Variants in PCDHGA1 observed in about 807,000 individuals in gnomAD.
PCDHGA1 encodes the protein protocadherin gamma subfamily A, 1, also known as protocadherin gamma-A1.
Under a neutral mutation model 58.0 loss-of-function variants are expected in PCDHGA1, and 32 were observed. The observed-to-expected ratio is 0.55, with a 90% CI of 0.42 to 0.74. PCDHGA1 has a LOEUF of 0.74. Among genes scored for constraint, PCDHGA1 ranks in the 30% least tolerant of loss-of-function variants. The probability of loss-of-function intolerance (pLI) is 0.00; values close to 1 mark genes in which losing one functional copy is unlikely to be tolerated. For synonymous variants in PCDHGA1, 498 were observed against 501.1 expected (o/e 0.99, Z 0.08); for missense variants, 1,205 against 1,182.3 (o/e 1.02, Z -0.28).
In PCDHGA1 at chr5:141,431,024, A is replaced by G; in HGVS notation, c.2422-63783A>G. ...CAGCGGCAGCTTGGTCACGGCGGGCAGGATAGACCGGGAGGAGCTCTGTAT... is the reference window on the plus strand; with the variant it reads ...CAGCGGCAGCTTGGTCACGGCGGGCGGGATAGACCGGGAGGAGCTCTGTAT... On this transcript the variant is annotated intron_variant, in intron 1 of 3. Transcript: ENST00000517417. The surrounding 1 kb of genome is among the most constrained non-coding windows in gnomAD (Gnocchi z 4.8). 2.5e-6 allele frequency: 4 copies of G among 1,614,024 alleles called. No homozygotes were observed. The highest frequency in any genetic ancestry group is 3.4e-6 in the Non-Finnish European group (4 of 1,179,926).
At chr5:141,391,890 G>A (rs2092437971) in intron 1 of PCDHGA1, 1 of 152,182 alleles carries the variant, frequency 6.6e-6, no homozygotes, top group Non-Finnish European at 1.5e-5. Context: ...AAAGGGATGG[G>A]ATGGAGCTTT....
At chr5:141,425,606 G>A (rs1419859039) in intron 1 of PCDHGA1, among the ~76,000 whole-genome samples, 1 of 152,156 alleles carries the variant, frequency 6.6e-6, no homozygotes, top group Non-Finnish European at 1.5e-5. Context: ...GCCCTATATA[G>A]CTTTCAGTGC....
chr5:141,332,682 C>A lies in PCDHGA1; in HGVS notation c.1998C>A (p.Asp666Glu), dbSNP rs1485532111. 1.9e-6 allele frequency: 3 copies of A among 1,613,852 alleles called. No homozygotes were observed. In the Admixed American group the frequency reaches 5.0e-5, roughly 27 times the overall value. Reference protein sequence around the residue: ...ATVTLTVAVADRISDILADLG... With the variant: ...ATVTLTVAVAERISDILADLG... ...TCACGCTCACCGTGGCCGTGGCCGACAGGATCTCCGACATCCTGGCCGACC... is the reference window on the plus strand; with the variant it reads ...TCACGCTCACCGTGGCCGTGGCCGAAAGGATCTCCGACATCCTGGCCGACC... The change falls in exon 1 of 4, where the codon GAC (aspartate) becomes GAA (glutamate). Residue 666 changes from aspartate to glutamate, a missense_variant. By Grantham distance (45) the Asp-to-Glu change is conservative. Transcript: ENST00000517417. The surrounding 1 kb of genome is among the most constrained non-coding windows in gnomAD (Gnocchi z 4.6).
intron 1 of PCDHGA1, among the ~76,000 whole-genome samples, chr5:141,471,913 G>A (rs1307168228): frequency 6.6e-6 from 1 of 152,164 alleles, no homozygotes. Context: ...CAAGCATGAG[G>A]GAAATTTTGG....
Position 141,352,388 on chromosome 5 carries a change from C to A in PCDHGA1, c.2421+19283C>A, listed in dbSNP as rs1021854619. On this transcript the variant is annotated intron_variant, in intron 1 of 3. Coordinates refer to ENST00000517417, the MANE Select transcript of PCDHGA1 (RefSeq NM_018912.3). ...CGCGGTGATTCTAGCGATCGCCCTGCGCCTGCGACGTTCCTCCAGCCTCGA... is the reference window on the plus strand; with the variant it reads ...CGCGGTGATTCTAGCGATCGCCCTGAGCCTGCGACGTTCCTCCAGCCTCGA... The A allele has an allele frequency of 6.6e-5, 106 of 1,613,940 alleles. No homozygotes were observed. Among genetic ancestry groups the A allele is most frequent in the Middle Eastern group, 1.6e-4 (1 of 6,084 alleles).
chr5:141,447,854 G>A (rs1480134238), intron 1 of PCDHGA1, among the ~76,000 whole-genome samples: 1 of 152,200 alleles, frequency 6.6e-6, no homozygotes, highest in Non-Finnish European at 1.5e-5. Flanking sequence ...GGGAGGCCGA[G>A]GTGGGTGAAT....
At chr5:141,480,514 C>A (rs1015316945) in intron 1 of PCDHGA1, among the ~76,000 whole-genome samples, 2 of 127,196 alleles carry the variant, frequency 1.6e-5, no homozygotes, top group African/African-American at 7.3e-5. Flanking sequence ...TGAGAACAAC[C>A]AAAAATGACA....
chr5:141,494,674 C>A lies in PCDHGA1; in HGVS notation c.2422-133C>A, dbSNP rs532644387. ...ATTTTGTCTTTGGAGATGAGTCCAC[C>A]CCTGCCCCCTCTTAGTCCGTTTTCT... is the stretch of plus-strand genomic sequence containing the variant. On this transcript the variant is annotated intron_variant, in intron 1 of 3. Transcript: ENST00000517417. 3.4e-5 allele frequency: 53 copies of A among 1,545,802 alleles called. No homozygotes were observed. In the African/African-American group the frequency reaches 6.5e-4, roughly 19 times the overall value.
At position 141,413,888 on chromosome 5, in the gene PCDHGA1, A is replaced by G. The variant is rs777389288; in HGVS notation, c.2421+80783A>G. On this transcript the variant is annotated intron_variant, in intron 1 of 3. Transcript: ENST00000517417. Reference sequence around the variant, plus strand: ...GTCCTTGTCAGTGTGACTGTCTTCGATGCAAATGACAACGCGCCGGTCTTC... The same window carrying G: ...GTCCTTGTCAGTGTGACTGTCTTCGGTGCAAATGACAACGCGCCGGTCTTC... The G allele has an allele frequency of 2.5e-5, 40 of 1,613,256 alleles. No individual in the cohort carries two copies. Among genetic ancestry groups the G allele is most frequent in the Non-Finnish European group, 3.4e-5 (40 of 1,179,886 alleles).
At chr5:141,417,866 G>C (rs1299960512) in intron 1 of PCDHGA1, 1 of 1,552,408 alleles carries the variant, frequency 6.4e-7, no homozygotes, top group African/African-American at 1.4e-5. Context: ...AACGATGGGA[G>C]GGAGCTGCGC....
At position 141,431,433 on chromosome 5, in the gene PCDHGA1, C is replaced by T; in HGVS notation, c.2422-63374C>T. ...GGGGGCGACCCGGTGCGCACAGGCA[C>T]CGCGCGCATCCGCGTGATGGTTCTG... On this transcript the variant is annotated intron_variant, in intron 1 of 3. Transcript: ENST00000517417. This position sits in a 1 kb window ranked among gnomAD's most constrained non-coding sequence, Gnocchi z 4.8. 1.9e-6 allele frequency: 3 copies of T among 1,613,716 alleles called. No homozygotes were observed. The highest frequency in any genetic ancestry group is 2.5e-6 in the Non-Finnish European group (3 of 1,180,028).
intron 1 of PCDHGA1, chr5:141,428,257 G>A: frequency 1.2e-6 from 1 of 865,864 alleles, no homozygotes; most frequent in Non-Finnish European, 1.9e-6. Context: ...AGACTTCAGT[G>A]ACAGTCCTGT....
At chr5:141,364,415 G>C in intron 1 of PCDHGA1, 1 of 1,613,082 alleles carries the variant, frequency 6.2e-7, no homozygotes, top group South Asian at 1.1e-5. Flanking sequence ...GCCAGGATCC[G>C]GGCAGATCCG....
chr5:141,414,752 ATG>A, intron 1 of PCDHGA1: 2 of 1,614,228 alleles, frequency 1.2e-6, no homozygotes, highest in Non-Finnish European at 1.7e-6. Context: ...TCCTTCGACT[ATG>A]AGCAGTTTCA....
intron 1 of PCDHGA1, chr5:141,372,770 C>A (rs776185691): frequency 6.2e-7 from 1 of 1,611,252 alleles, no homozygotes; most frequent in Non-Finnish European, 8.5e-7. Context: ...AAAGTAATGA[C>A]AATCCAGAAA....
Position 141,493,034 on chromosome 5 carries a change from G to A in PCDHGA1, c.2422-1773G>A, listed in dbSNP as rs75211372. 6.6e-6 allele frequency among the ~76,000 whole-genome samples: 1 copy of A among 152,230 alleles called. No homozygotes were observed. Among genetic ancestry groups the A allele is most frequent in the African/African-American group, 2.4e-5 (1 of 41,458 alleles). On this transcript the variant is annotated intron_variant, in intron 1 of 3. Transcript: ENST00000517417. This position sits in a 1 kb window ranked among gnomAD's most constrained non-coding sequence, Gnocchi z 4.3. ...GCCAGATGCCAGGGTGCCCTTATGTGTGAGGAAACTACAATAGTAAAAAAC... is the reference window on the plus strand; with the variant it reads ...GCCAGATGCCAGGGTGCCCTTATGTATGAGGAAACTACAATAGTAAAAAAC...
At chr5:141,368,374 T>TACACACATACAC (rs1250465847) in intron 1 of PCDHGA1, among the ~76,000 whole-genome samples, 1 of 152,022 alleles carries the variant, frequency 6.6e-6, no homozygotes, top group African/African-American at 2.4e-5. Context: ...CACATATATA[T>TACACACATACAC]ACACACATAC....
At chr5:141,395,151 A>G in intron 1 of PCDHGA1, 1 of 1,612,516 alleles carries the variant, frequency 6.2e-7, no homozygotes, top group Non-Finnish European at 8.5e-7. Flanking sequence ...AGACATGCTC[A>G]TCAGTCAGGA....
chr5:141,466,812 G>T (rs1394979761), intron 1 of PCDHGA1, among the ~76,000 whole-genome samples: 1 of 151,940 alleles, frequency 6.6e-6, no homozygotes, highest in African/African-American at 2.4e-5. Flanking sequence ...ATTCAGACAT[G>T]GTATAACAAG....
Sources: gnomAD v4.1 joint callset for allele counts (sites outside exome capture counted in the v4.1 genomes callset) on GRCh38, gnomAD v4.1.1 for gene constraint, Gnocchi (gnomAD v3.1) non-coding constraint, MANE v1.5 for transcripts, NCBI Gene and HGNC (gene_info 2026-07-23, HGNC 2026-07-21) for gene names.